Variants in HMG20A observed in about 807,000 individuals in gnomAD.
HMG20A encodes the protein high mobility group protein 20A.
In HMG20A, 17 loss-of-function variants were observed where a neutral mutation model predicts 43.9. The ratio of observed to expected loss-of-function variants is 0.39; its 90% CI spans 0.27 to 0.58. The LOEUF is 0.58. Ranked by LOEUF, HMG20A falls within the 20% of genes least tolerant of loss-of-function variation. The pLI, the probability that HMG20A is intolerant of heterozygous loss-of-function variation, is 0.59. For synonymous variants in HMG20A, 132 were observed against 147.5 expected (o/e 0.89, Z 0.76); for missense variants, 341 against 438.2 (o/e 0.78, Z 1.98).
the HMG20A span, among the ~76,000 whole-genome samples, chr15:77,504,902 T>C: frequency 6.6e-6 from 1 of 152,182 alleles, no homozygotes; most frequent in Non-Finnish European, 1.5e-5. Context: ...TATGAGGCAA[T>C]GAAGCAATAG....
intron 3 of HMG20A, among the ~76,000 whole-genome samples, chr15:77,466,259 TAATCCCAGCTACTTGG>T (rs1595926888): frequency 6.6e-6 from 1 of 152,180 alleles, no homozygotes; most frequent in Admixed American, 6.5e-5. Flanking sequence ...CACATGCCTG[TAATCCCAGCTACTTGG>T]AAGACTAAGG....
At chr15:77,519,138 A>T in the HMG20A span, among the ~76,000 whole-genome samples, 1 of 152,152 alleles carries the variant, frequency 6.6e-6, no homozygotes, top group Non-Finnish European at 1.5e-5. Flanking sequence ...TGCCTCAGTG[A>T]TATAGAAAAA....
the HMG20A span, among the ~76,000 whole-genome samples, chr15:77,504,106 C>T: frequency 8.5e-5 from 13 of 152,314 alleles, no homozygotes; most frequent in African/African-American, 1.4e-4. Flanking sequence ...GAAACAAAGT[C>T]CTGCCTTTGC....
intron 1 of HMG20A, among the ~76,000 whole-genome samples, chr15:77,430,858 A>G (rs1221997348): frequency 6.6e-6 from 1 of 152,220 alleles, no homozygotes; most frequent in East Asian, 1.9e-4. Flanking sequence ...ACATGAGGAA[A>G]TGATGAAGAA....
intron 8 of HMG20A, 36 bp downstream of exon 8, chr15:77,478,546 G>T: frequency 6.4e-7 from 1 of 1,557,228 alleles, no homozygotes; most frequent in Non-Finnish European, 8.8e-7. Context: ...CAGTGACAGG[G>T]GTGTGTGTGT....
At chr15:77,449,221 A>G (rs2073708693) in intron 1 of HMG20A, among the ~76,000 whole-genome samples, 1 of 151,320 alleles carries the variant, frequency 6.6e-6, no homozygotes, top group South Asian at 2.1e-4. Context: ...TTTAGACCCT[A>G]ATTGCCTCTC....
chr15:77,476,110 G>A (rs1397052511), intron 6 of HMG20A, among the ~76,000 whole-genome samples: 1 of 152,194 alleles, frequency 6.6e-6, no homozygotes, highest in Non-Finnish European at 1.5e-5. Context: ...GAGCTCGGGT[G>A]TCAGATTTCC....
chr15:77,461,245 T>G (rs1224449038), intron 2 of HMG20A, among the ~76,000 whole-genome samples: 1 of 152,118 alleles, frequency 6.6e-6, no homozygotes. Flanking sequence ...TAAGCACATA[T>G]CTCCTTTGAA....
In HMG20A at chr15:77,443,769, G is replaced by A. The variant is rs181836397; in HGVS notation, c.-4-14635G>A. 3.9e-5 allele frequency among the ~76,000 whole-genome samples: 6 copies of A among 152,066 alleles called. No homozygotes were observed. The East Asian group carries it at 9.7e-4, about 25-fold the overall frequency. ...CACCTAGGCTGGAGTGCAGTGGCAC[G>A]ATAATGGCTCACTGCAGCCTCAACT... On this transcript the variant is annotated intron_variant, in intron 1 of 9. Transcript: ENST00000336216.
chr15:77,451,837 T>A lies in HMG20A; in HGVS notation c.-4-6567T>A, dbSNP rs74026915. On this transcript the variant is annotated intron_variant, in intron 1 of 9. Transcript: ENST00000336216. ...CCATGAAAGGCTTCACTGAGCAAAA[T>A]TGATGTTAAAGATTCAATACTTAGA... is the stretch of plus-strand genomic sequence containing the variant. Among the ~76,000 whole-genome samples the A allele has an allele frequency of 3.4e-3, 522 of 152,296 alleles. 3 individuals are homozygous for A. The highest frequency in any genetic ancestry group is 0.012 in the African/African-American group (496 of 41,552).
the HMG20A span, among the ~76,000 whole-genome samples, chr15:77,507,672 C>T: frequency 1.3e-5 from 2 of 152,302 alleles, no homozygotes; most frequent in African/African-American, 2.4e-5. Context: ...CAGGGGCAAG[C>T]GGGCAGGGGC....
At chr15:77,510,485 G>T in the HMG20A span, among the ~76,000 whole-genome samples, 1 of 152,198 alleles carries the variant, frequency 6.6e-6, no homozygotes, top group Non-Finnish European at 1.5e-5. Context: ...AAATGCACTG[G>T]GGGAGAGGAA....
Position 77,458,461 on chromosome 15 carries a change from C to T in HMG20A, c.54C>T (p.Asp18=), listed in dbSNP as rs747117781. ...TACCGCCCCTTTTTGCAGATGAAGA[C>T]GGTTCCAAGGAGAGTAATGATCTGG... ...STLPPLFADE[D]GSKESNDLAT... is the part of the protein sequence containing the mutation. Residue 18 remains aspartate (D), a synonymous_variant, in exon 2 of 10, where the codon GAC becomes GAT. Transcript: ENST00000336216. 62 of 1,613,038 alleles carry T rather than the reference C, an allele frequency of 3.8e-5. No homozygotes were observed. Among genetic ancestry groups the T allele is most frequent in the Admixed American group, 2.5e-4 (15 of 59,954 alleles).
the HMG20A span, among the ~76,000 whole-genome samples, chr15:77,497,682 AGT>A: frequency 0.3 from 35,264 of 117,010 alleles, 4,684 homozygotes; most frequent in East Asian, 0.54. Context: ...AGAGAGAGAG[AGT>A]GTGTGTGTGT....
At chr15:77,515,477 T>C in the HMG20A span, among the ~76,000 whole-genome samples, 4 of 152,172 alleles carry the variant, frequency 2.6e-5, no homozygotes, top group East Asian at 1.9e-4. Context: ...TTGGTAGAGA[T>C]AGGGTTTCCC....
At chr15:77,469,874 A>G (rs1274648926) in intron 4 of HMG20A, among the ~76,000 whole-genome samples, 2 of 152,018 alleles carry the variant, frequency 1.3e-5, no homozygotes, top group Non-Finnish European at 2.9e-5. Context: ...CAGCATGTTG[A>G]CCAGTGTGGT....
At chr15:77,453,562 T>C (rs578208015) in intron 1 of HMG20A, among the ~76,000 whole-genome samples, 1 of 152,314 alleles carries the variant, frequency 6.6e-6, no homozygotes, top group African/African-American at 2.4e-5. Context: ...TTCCAGCAGC[T>C]CCACTCCTAG....
At chr15:77,468,217 G>C (rs1372416146) in intron 4 of HMG20A, among the ~76,000 whole-genome samples, 1 of 152,104 alleles carries the variant, frequency 6.6e-6, no homozygotes, top group Non-Finnish European at 1.5e-5. Flanking sequence ...ATAGTGGGCT[G>C]TACATACTAT....
At chr15:77,497,294 T>C in the HMG20A span, among the ~76,000 whole-genome samples, 1 of 152,226 alleles carries the variant, frequency 6.6e-6, no homozygotes, top group African/African-American at 2.4e-5. Context: ...GCACTGTCTC[T>C]GGCCTGTGAA....
Sources: allele counts gnomAD v4.1 joint callset (sites outside exome capture counted in the v4.1 genomes callset), GRCh38; gene constraint gnomAD v4.1.1; transcripts MANE v1.5; gene names NCBI Gene and HGNC (gene_info 2026-07-23, HGNC 2026-07-21).